The following ATP8B4 variants were observed in gnomAD, a reference collection of about 807,000 sequenced individuals.
The protein encoded by ATP8B4 is ATPase phospholipid transporting 8B4 (putative), also known as probable phospholipid-transporting ATPase IM.
In ATP8B4, 133 loss-of-function variants were observed where a neutral mutation model predicts 145.6. The observed-to-expected ratio is 0.91, with a 90% CI of 0.79 to 1.05. The LOEUF (loss-of-function observed/expected upper bound fraction) is 1.05, where lower values mean the gene tolerates loss of function less well. ATP8B4 is among the 50% of genes least tolerant of loss of function. The probability of loss-of-function intolerance (pLI) is 0.00; values close to 1 mark genes in which losing one functional copy is unlikely to be tolerated. For missense variants in ATP8B4, 1,458 were observed against 1,425.2 expected, an observed-to-expected ratio of 1.02 and a Z score of -0.37; for synonymous variants, 507 against 492.9, an observed-to-expected ratio of 1.03 and a Z score of -0.38.
intron 12 of ATP8B4, among the ~76,000 whole-genome samples, chr15:49,979,046 T>A (rs1191881381): frequency 1.3e-5 from 2 of 152,134 alleles, no homozygotes; most frequent in Non-Finnish European, 1.5e-5. Flanking sequence ...AAAGCTAATA[T>A]TCATTAAGCT....
At chr15:50,023,960 C>G (rs574935179) in intron 6 of ATP8B4, among the ~76,000 whole-genome samples, 1 of 151,976 alleles carries the variant, frequency 6.6e-6, no homozygotes, top group Admixed American at 6.6e-5. Flanking sequence ...ATTAAGGAAG[C>G]CATGTACCTT....
chr15:50,072,921 C>CCCCTCTCT (rs1489043308), intron 3 of ATP8B4, among the ~76,000 whole-genome samples: 8 of 27,294 alleles, frequency 2.9e-4, no homozygotes, highest in African/African-American at 7.2e-4. Flanking sequence ...CTGTGCCCGG[C>CCCCTCTCT]CTCTCTCTCT....
rs778641111 is a variant in ATP8B4, at chr15:49,934,029, C to A, written c.1441G>T (p.Glu481Ter). The A allele has an allele frequency of 1.2e-6, 2 of 1,607,724 alleles. No individual in the cohort carries two copies. Among genetic ancestry groups the A allele is most frequent in the South Asian group, 2.2e-5 (2 of 89,946 alleles). ...ACTTTTCACTTACCTGCGCTATTCT[C>A]TTCTGACATTACAGTGTGGCAGAGA... ...LALCHTVMSEENSAGELIYQV... is the reference protein window; with the variant it reads ...LALCHTVMSE Residue 481 changes from glutamate (E) to a stop codon, truncating the protein, a stop_gained, in exon 15 of 28, where the codon GAG (glutamate) becomes TAG (stop). Transcript: ENST00000284509. LOFTEE classifies it high-confidence loss of function.
At chr15:49,983,512 C>T (rs2046332118) in intron 10 of ATP8B4, among the ~76,000 whole-genome samples, 10 of 152,300 alleles carry the variant, frequency 6.6e-5, no homozygotes, top group Admixed American at 5.9e-4. Context: ...GAGGGACCAT[C>T]ACCTCTCAAC....
intron 2 of ATP8B4, among the ~76,000 whole-genome samples, chr15:50,079,828 G>C (rs1377541751): frequency 6.6e-6 from 1 of 152,184 alleles, no homozygotes; most frequent in African/African-American, 2.4e-5. Context: ...TAAATACTAT[G>C]TGACCATGAA....
chr15:50,181,053 C>A (rs776458912), intron 1 of ATP8B4, among the ~76,000 whole-genome samples: 5 of 152,186 alleles, frequency 3.3e-5, no homozygotes, highest in Admixed American at 6.5e-5. Context: ...TACTTACCGG[C>A]TGTCTCAATT....
At position 49,952,180 on chromosome 15, in the gene ATP8B4, A is replaced by G. The variant is rs115922483; in HGVS notation, c.1287+9797T>C. On this transcript the variant is annotated intron_variant, in intron 14 of 27. Coordinates refer to ENST00000284509, the MANE Select transcript of ATP8B4 (RefSeq NM_024837.4). ...CTGAAGATTATATGCCTTGGGGTTG[A>G]TCTTCTCGTGGAGTATCTTAATGAC... 4.5e-3 allele frequency among the ~76,000 whole-genome samples: 686 copies of G among 152,188 alleles called. 8 individuals are homozygous for G. The highest frequency in any genetic ancestry group is 0.016 in the African/African-American group (657 of 41,532).
intron 20 of ATP8B4, among the ~76,000 whole-genome samples, chr15:49,904,862 A>G (rs1259549457): frequency 6.6e-6 from 1 of 152,250 alleles, no homozygotes; most frequent in Admixed American, 6.5e-5. Flanking sequence ...TACTTCTTAG[A>G]AGCAGTGGAG....
chr15:50,095,577 T>C (rs992304198), intron 2 of ATP8B4, among the ~76,000 whole-genome samples: 1 of 152,024 alleles, frequency 6.6e-6, no homozygotes, highest in African/African-American at 2.4e-5. Flanking sequence ...AACAGTATAG[T>C]GAGACCCTAT....
chr15:49,934,259 C>T, intron 14 of ATP8B4, 77 bp from the exon 15 acceptor site: 1 of 1,464,324 alleles, frequency 6.8e-7, no homozygotes, highest in Non-Finnish European at 9.2e-7. Flanking sequence ...AAAATAGTTC[C>T]CCCAAGTATT....
chr15:50,143,656 G>A (rs757025685), intron 1 of ATP8B4, among the ~76,000 whole-genome samples: 3 of 152,208 alleles, frequency 2.0e-5, no homozygotes, highest in Admixed American at 6.5e-5. Flanking sequence ...AATCTCTGGA[G>A]GTCAACTTAG....
At chr15:49,903,043 G>T (rs1275242380) in intron 20 of ATP8B4, among the ~76,000 whole-genome samples, 1 of 152,074 alleles carries the variant, frequency 6.6e-6, no homozygotes, top group Admixed American at 6.5e-5. Flanking sequence ...CATCTCACAT[G>T]AACCCTTTTC....
In ATP8B4 at chr15:49,925,073, A is replaced by G. The variant is rs549562256; in HGVS notation, c.1643-1579T>C. ...TCAGGACCTTCTTTATAATTTTTCAATGCTGAGTGAGGATTCTAAAAAGTT... is the reference window on the plus strand; with the variant it reads ...TCAGGACCTTCTTTATAATTTTTCAGTGCTGAGTGAGGATTCTAAAAAGTT... On this transcript the variant is annotated intron_variant, in intron 16 of 27. Coordinates refer to ENST00000284509, the MANE Select transcript of ATP8B4 (RefSeq NM_024837.4). 7.9e-5 allele frequency among the ~76,000 whole-genome samples: 12 copies of G among 152,206 alleles called. No individual in the cohort carries two copies. In the South Asian group the frequency reaches 2.5e-3, roughly 32 times the overall value.
At chr15:49,872,059 G>T (rs184953454) in intron 25 of ATP8B4, among the ~76,000 whole-genome samples, 4 of 152,322 alleles carry the variant, frequency 2.6e-5, no homozygotes, top group Admixed American at 2.6e-4. Context: ...CTTTCTGTCT[G>T]CATTGCAATG....
At chr15:49,965,683 A>T (rs2153514493) in intron 13 of ATP8B4, among the ~76,000 whole-genome samples, 1 of 152,306 alleles carries the variant, frequency 6.6e-6, no homozygotes, top group South Asian at 2.1e-4. Context: ...AACCATGTGC[A>T]CTTACATAAA....
chr15:50,134,275 T>C (rs140595221), intron 1 of ATP8B4, among the ~76,000 whole-genome samples: 1 of 151,950 alleles, frequency 6.6e-6, no homozygotes, highest in Non-Finnish European at 1.5e-5. Flanking sequence ...AAACATAATG[T>C]AAAAATAACT....
intron 2 of ATP8B4, among the ~76,000 whole-genome samples, chr15:50,104,885 A>ACACACACACACACC (rs1160886629): frequency 6.6e-6 from 1 of 150,910 alleles, no homozygotes; most frequent in Non-Finnish European, 1.5e-5. Flanking sequence ...ACACACACAC[A>ACACACACACACACC]CACCCATATA....
chr15:49,893,056 G>C (rs1432479154), intron 23 of ATP8B4, among the ~76,000 whole-genome samples: 1 of 152,182 alleles, frequency 6.6e-6, no homozygotes, highest in Non-Finnish European at 1.5e-5. Context: ...ACTGGATGAA[G>C]TCACACAAAT....
At chr15:50,012,115 T>C (rs1206073256) in intron 6 of ATP8B4, among the ~76,000 whole-genome samples, 2 of 152,202 alleles carry the variant, frequency 1.3e-5, no homozygotes, top group Non-Finnish European at 2.9e-5. Context: ...TTTCCAGTGC[T>C]ACACTTTTCT....
Sources: gnomAD v4.1 joint callset for allele counts (sites outside exome capture counted in the v4.1 genomes callset) on GRCh38, gnomAD v4.1.1 for gene constraint, MANE v1.5 for transcripts, NCBI Gene and HGNC (gene_info 2026-07-23, HGNC 2026-07-21) for gene names.